RBPMS: variants seen among roughly 807,000 people sequenced by gnomAD.
The protein encoded by RBPMS is RNA binding protein, mRNA processing factor, also known as RNA-binding protein with multiple splicing.
A neutral mutation model predicts 26.8 loss-of-function variants in RBPMS; 7 were observed. That is an observed-to-expected ratio of 0.26 (90% CI 0.15 to 0.49). The LOEUF is 0.49. Ranked by LOEUF, RBPMS falls within the 20% of genes least tolerant of loss-of-function variation. The probability of loss-of-function intolerance (pLI) is 0.98; values close to 1 mark genes in which losing one functional copy is unlikely to be tolerated. For synonymous variants in RBPMS, 96 were observed against 93.3 expected, an observed-to-expected ratio of 1.03 and a Z score of -0.17; for missense variants, 186 against 250.0, an observed-to-expected ratio of 0.74 and a Z score of 1.73.
At chr8:30,497,863 C>T (rs1236113785) in intron 4 of RBPMS, among the ~76,000 whole-genome samples, 6 of 151,802 alleles carry the variant, frequency 4.0e-5, no homozygotes, top group Admixed American at 6.6e-5. Flanking sequence ...ACCTTGTGAT[C>T]TGCCCGCCTC....
chr8:30,459,336 T>A (rs1468747782), intron 1 of RBPMS, among the ~76,000 whole-genome samples: 1 of 151,796 alleles, frequency 6.6e-6, no homozygotes, highest in Non-Finnish European at 1.5e-5. Flanking sequence ...GCTCAGGCTT[T>A]CCTTGAACTC....
intron 5 of RBPMS, among the ~76,000 whole-genome samples, chr8:30,516,640 T>TTAAA (rs1464847763): frequency 6.6e-6 from 1 of 152,130 alleles, no homozygotes; most frequent in East Asian, 1.9e-4. Context: ...AATGTGGAAA[T>TTAAA]TAAACAAAAA....
chr8:30,559,864 G>T lies in RBPMS; in HGVS notation c.*7+908G>T, dbSNP rs776556627. 3.9e-5 allele frequency among the ~76,000 whole-genome samples: 6 copies of T among 152,196 alleles called. 1 individual carries two copies. The highest frequency in any genetic ancestry group is 2.6e-4 in the Admixed American group (4 of 15,274). On this transcript the variant is annotated intron_variant, in intron 7 of 8. Transcript: ENST00000397323. ...ATAGTGTCATGGGCCTTTCCTTGGA[G>T]ACTTCTATTGTAAGATAAAAATACT...
At chr8:30,535,625 C>T (rs753074711) in intron 5 of RBPMS, among the ~76,000 whole-genome samples, 2 of 152,164 alleles carry the variant, frequency 1.3e-5, no homozygotes, top group African/African-American at 2.4e-5. Context: ...TAGGGTGTCA[C>T]TATGTTTGCC....
Position 30,543,170 on chromosome 8 carries a change from G to A in RBPMS, c.398-1324G>A, listed in dbSNP as rs565200293. Among the ~76,000 whole-genome samples the A allele has an allele frequency of 2.8e-4, 43 of 152,326 alleles. No homozygotes were observed. The South Asian group carries it at 6.4e-3, about 23-fold the overall frequency. On this transcript the variant is annotated intron_variant, in intron 5 of 8. Transcript: ENST00000397323. ...AATGGGTACAAACTGCCCTCTGAAC[G>A]TATCATCAGCAGTCAGCTCCTGACT... is the stretch of plus-strand genomic sequence containing the variant.
intron 1 of RBPMS, among the ~76,000 whole-genome samples, chr8:30,443,114 G>A (rs1813314335): frequency 6.6e-6 from 1 of 152,152 alleles, no homozygotes; most frequent in African/African-American, 2.4e-5. Flanking sequence ...TTGTGATAGA[G>A]TCACCTCAAG....
At chr8:30,427,371 C>T (rs1463425667) in intron 1 of RBPMS, among the ~76,000 whole-genome samples, 2 of 152,158 alleles carry the variant, frequency 1.3e-5, no homozygotes, top group South Asian at 2.1e-4. Flanking sequence ...ACAGTGCTGT[C>T]CCCTCCCTGT....
chr8:30,423,727 T>A (rs1563305053), intron 1 of RBPMS, among the ~76,000 whole-genome samples: 1 of 152,040 alleles, frequency 6.6e-6, no homozygotes, highest in Non-Finnish European at 1.5e-5. Flanking sequence ...GTCACATGGG[T>A]CCCTTGCCAA....
At chr8:30,515,642 C>T (rs1822227417) in intron 5 of RBPMS, among the ~76,000 whole-genome samples, 1 of 152,032 alleles carries the variant, frequency 6.6e-6, no homozygotes, top group African/African-American at 2.4e-5. Context: ...TTTTAAAAAA[C>T]ATGAATTAAT....
At chr8:30,453,566 A>C (rs955398616) in intron 1 of RBPMS, 3 of 152,258 alleles carry the variant, frequency 2.0e-5, no homozygotes, top group African/African-American at 7.2e-5. Flanking sequence ...AGTTCATGCT[A>C]TCACTAGTAT....
At chr8:30,551,050 C>A (rs888398614) in intron 6 of RBPMS, among the ~76,000 whole-genome samples, 1 of 152,188 alleles carries the variant, frequency 6.6e-6, no homozygotes, top group African/African-American at 2.4e-5. Flanking sequence ...CATTTCCAGG[C>A]AATGGAGTTA....
chr8:30,559,036 C>G (rs1827228351), intron 7 of RBPMS, 80 bp downstream of exon 7: 2 of 1,133,426 alleles, frequency 1.8e-6, no homozygotes, highest in Middle Eastern at 2.2e-4. Flanking sequence ...GAACGCAGCT[C>G]TCCTCCTTTC....
Position 30,384,934 on chromosome 8 carries a change from A to G in RBPMS, c.-159A>G, listed in dbSNP as rs1208459274. The stretch of plus-strand genomic sequence containing the variant: ...GCCGCGGGAGCCCCAGCCCAACCCG[A>G]GCCCGACAGCCACTGCCCCGGCTCC... On this transcript the variant is annotated 5_prime_UTR_variant, in exon 1 of 9. Coordinates refer to ENST00000397323, the MANE Select transcript of RBPMS (RefSeq NM_001008710.3). The surrounding 1 kb of genome is among the most constrained non-coding windows in gnomAD (Gnocchi z 5.6). The G allele has an allele frequency of 1.2e-5, 5 of 423,224 alleles. 1 individual carries two copies. In the Admixed American group the frequency reaches 1.4e-4, roughly 12 times the overall value. 26.2% of individuals were successfully genotyped at this position (423,224 alleles called of 1,614,324 possible).
intron 6 of RBPMS, 162 bp from the exon 7 acceptor site, chr8:30,558,725 G>A (rs989462473): frequency 1.6e-5 from 11 of 701,730 alleles, no homozygotes; most frequent in Admixed American, 6.0e-5. Flanking sequence ...TCAGGACACC[G>A]CTCTGATGCT....
At chr8:30,493,950 A>ATAT in intron 4 of RBPMS, among the ~76,000 whole-genome samples, 1 of 152,206 alleles carries the variant, frequency 6.6e-6, no homozygotes, top group Non-Finnish European at 1.5e-5. Flanking sequence ...GTGGTTGGCT[A>ATAT]ACACAAAAAG....
intron 4 of RBPMS, among the ~76,000 whole-genome samples, chr8:30,496,293 C>T (rs994977506): frequency 3.9e-5 from 6 of 152,022 alleles, no homozygotes; most frequent in African/African-American, 1.5e-4. Context: ...CTCAGCCTCC[C>T]AAGTATCTGG....
chr8:30,436,845 C>A (rs1385126628), intron 1 of RBPMS, among the ~76,000 whole-genome samples: 1 of 151,580 alleles, frequency 6.6e-6, no homozygotes, highest in African/African-American at 2.4e-5. Context: ...CTTAAGGGCA[C>A]GTAATAAATA....
At chr8:30,508,132 T>C (rs1488887507) in intron 5 of RBPMS, among the ~76,000 whole-genome samples, 1 of 152,062 alleles carries the variant, frequency 6.6e-6, no homozygotes, top group Non-Finnish European at 1.5e-5. Context: ...GCTATCCATA[T>C]AAGAAGAAAA....
chr8:30,460,433 T>C (rs1189233688), intron 1 of RBPMS, among the ~76,000 whole-genome samples: 1 of 152,200 alleles, frequency 6.6e-6, no homozygotes, highest in East Asian at 1.9e-4. Flanking sequence ...TTTAGAAAAG[T>C]GGATGGTTCT....
Sources: gnomAD v4.1 joint callset for allele counts (sites outside exome capture counted in the v4.1 genomes callset) on GRCh38, gnomAD v4.1.1 for gene constraint, Gnocchi (gnomAD v3.1) non-coding constraint, MANE v1.5 for transcripts, NCBI Gene and HGNC (gene_info 2026-07-23, HGNC 2026-07-21) for gene names.